Variants in GPC6 observed in about 807,000 individuals in gnomAD.
GPC6 encodes the protein glypican 6.
Under a neutral mutation model 55.2 loss-of-function variants are expected in GPC6, and 14 were observed. The ratio of observed to expected loss-of-function variants is 0.25; its 90% CI spans 0.17 to 0.40. GPC6 has a LOEUF of 0.40. Among genes scored for constraint, GPC6 ranks in the 10% least tolerant of loss-of-function variants. GPC6 has a pLI of 1.00. For synonymous variants in GPC6, 278 were observed against 259.6 expected, an observed-to-expected ratio of 1.07 and a Z score of -0.68; for missense variants, 641 against 708.5, an observed-to-expected ratio of 0.90 and a Z score of 1.08.
At chr13:94,044,832 A>C (rs375585350) in intron 4 of GPC6, among the ~76,000 whole-genome samples, 10 of 151,874 alleles carry the variant, frequency 6.6e-5, no homozygotes, top group African/African-American at 2.2e-4. Flanking sequence ...AATGGTATCA[A>C]GATCTTTTTA....
chr13:93,300,134 G>A (rs372585670), intron 1 of GPC6, among the ~76,000 whole-genome samples: 10 of 152,142 alleles, frequency 6.6e-5, no homozygotes, highest in South Asian at 6.2e-4. Flanking sequence ...ACAACACCCA[G>A]CCAAATCACA....
chr13:94,193,926 T>C (rs1889481045), intron 4 of GPC6, among the ~76,000 whole-genome samples: 1 of 152,198 alleles, frequency 6.6e-6, no homozygotes, highest in African/African-American at 2.4e-5. Flanking sequence ...TTATCTGCTA[T>C]GTTTTATGCT....
intron 1 of GPC6, among the ~76,000 whole-genome samples, chr13:93,477,169 T>A (rs1432269531): frequency 6.6e-5 from 10 of 152,134 alleles, no homozygotes; most frequent in African/African-American, 2.4e-4. Flanking sequence ...TATTTAAATT[T>A]TTTTATTTAT....
intron 1 of GPC6, among the ~76,000 whole-genome samples, chr13:93,347,114 T>G (rs1880457620): frequency 6.6e-6 from 1 of 152,134 alleles, no homozygotes; most frequent in Non-Finnish European, 1.5e-5. Flanking sequence ...GGGAGAGGAT[T>G]TACAGAAGCA....
intron 4 of GPC6, among the ~76,000 whole-genome samples, chr13:94,143,612 G>T (rs936700525): frequency 6.6e-6 from 1 of 152,238 alleles, no homozygotes; most frequent in Middle Eastern, 3.4e-3. Context: ...ATAGCAGCTG[G>T]GCACAGTGGC....
intron 7 of GPC6, among the ~76,000 whole-genome samples, chr13:94,394,428 G>T (rs1426573923): frequency 3.3e-5 from 5 of 152,206 alleles, no homozygotes; most frequent in Admixed American, 6.5e-5. Flanking sequence ...ATGTCTCCCA[G>T]GGATATGATG....
At chr13:94,344,219 A>G (rs1878176439) in intron 6 of GPC6, among the ~76,000 whole-genome samples, 1 of 152,220 alleles carries the variant, frequency 6.6e-6, no homozygotes, top group Non-Finnish European at 1.5e-5. Context: ...AAATTTTGAT[A>G]TTTTATTTAT....
At chr13:93,898,561 GGA>G (rs1338951691) in intron 3 of GPC6, among the ~76,000 whole-genome samples, 1 of 152,064 alleles carries the variant, frequency 6.6e-6, no homozygotes, top group East Asian at 1.9e-4. Flanking sequence ...ATTTGATTTA[GGA>G]GACTCTGAAG....
intron 1 of GPC6, among the ~76,000 whole-genome samples, chr13:93,428,178 T>C (rs1370102016): frequency 6.1e-5 from 1 of 16,276 alleles, no homozygotes; most frequent in Non-Finnish European, 3.9e-4. Flanking sequence ...TGATAAAAAA[T>C]GAATTTAGCA....
At chr13:93,369,042 A>T (rs141654859) in intron 1 of GPC6, among the ~76,000 whole-genome samples, 131 of 152,148 alleles carry the variant, frequency 8.6e-4, no homozygotes, top group African/African-American at 3.1e-3. Flanking sequence ...GTGGTGATAG[A>T]AGTGCCTACT....
intron 2 of GPC6, among the ~76,000 whole-genome samples, chr13:93,645,816 T>C (rs193045296): frequency 5.9e-5 from 9 of 152,266 alleles, no homozygotes; most frequent in Admixed American, 5.2e-4. Context: ...CAACAGGAGA[T>C]ATGTCTTACT....
intron 1 of GPC6, among the ~76,000 whole-genome samples, chr13:93,292,700 C>CAATT (rs1366221151): frequency 6.6e-6 from 1 of 152,058 alleles, no homozygotes; most frequent in East Asian, 1.9e-4. Context: ...TTAAAATACA[C>CAATT]AATTACTTTA....
intron 4 of GPC6, among the ~76,000 whole-genome samples, chr13:94,173,361 GGATAA>G (rs1431975129): frequency 6.6e-6 from 1 of 152,182 alleles, no homozygotes; most frequent in Non-Finnish European, 1.5e-5. Flanking sequence ...TTCGAACCAA[GGATAA>G]GATGGCTTCC....
chr13:94,175,955 TAGAG>T (rs1555304120), intron 4 of GPC6, among the ~76,000 whole-genome samples: 158 of 78,544 alleles, frequency 2.0e-3, no homozygotes, highest in Middle Eastern at 6.4e-3. Context: ...TATATATATA[TAGAG>T]AGAGAGAGAG....
intron 4 of GPC6, among the ~76,000 whole-genome samples, chr13:94,224,692 A>G (rs113102761): frequency 6.6e-6 from 1 of 151,992 alleles, no homozygotes; most frequent in Non-Finnish European, 1.5e-5. Context: ...TTTTTGGAGC[A>G]TTTTTTCTGC....
chr13:93,736,548 C>A (rs922027868), intron 2 of GPC6, among the ~76,000 whole-genome samples: 4 of 152,100 alleles, frequency 2.6e-5, no homozygotes, highest in African/African-American at 9.7e-5. Context: ...CTTCTTTTTA[C>A]ATAATAACTA....
At chr13:94,053,885 G>C (rs1884041670) in intron 4 of GPC6, among the ~76,000 whole-genome samples, 3 of 152,018 alleles carry the variant, frequency 2.0e-5, no homozygotes, top group Non-Finnish European at 4.4e-5. Context: ...GTTTAACCAG[G>C]TATTTTAGTA....
chr13:94,313,518 G>A (rs1876365960), intron 6 of GPC6, among the ~76,000 whole-genome samples: 2 of 152,162 alleles, frequency 1.3e-5, no homozygotes, highest in Admixed American at 1.3e-4. Flanking sequence ...ATTGCACAGG[G>A]CTGTATACCC....
chr13:93,445,229 C>A (rs1049267648), intron 1 of GPC6, among the ~76,000 whole-genome samples: 1 of 152,120 alleles, frequency 6.6e-6, no homozygotes, highest in African/African-American at 2.4e-5. Flanking sequence ...CGTTTCGTAA[C>A]CAGCCTATGT....
Sources: allele counts gnomAD v4.1 joint callset (sites outside exome capture counted in the v4.1 genomes callset), GRCh38; gene constraint gnomAD v4.1.1; transcripts MANE v1.5; gene names NCBI Gene and HGNC (gene_info 2026-07-23, HGNC 2026-07-21).